The following SPTLC1 variants were observed in gnomAD, a reference collection of about 807,000 sequenced individuals.
The protein encoded by SPTLC1 is serine palmitoyltransferase 1.
Under a neutral mutation model 68.9 loss-of-function variants are expected in SPTLC1, and 55 were observed. The observed-to-expected ratio is 0.80, with a 90% CI of 0.64 to 1.00. The LOEUF is 1.00. SPTLC1 is among the 50% of genes least tolerant of loss of function. The pLI, the probability that SPTLC1 is intolerant of heterozygous loss-of-function variation, is 0.00. For missense variants in SPTLC1, 449 were observed against 573.1 expected, an observed-to-expected ratio of 0.78 and a Z score of 2.21; for synonymous variants, 197 against 201.6, an observed-to-expected ratio of 0.98 and a Z score of 0.19.
intron 6 of SPTLC1, among the ~76,000 whole-genome samples, chr9:92,059,517 G>A (rs1443352292): frequency 6.6e-6 from 1 of 152,122 alleles, no homozygotes; most frequent in Non-Finnish European, 1.5e-5. Flanking sequence ...TCTATTCCAA[G>A]AAGCACACTC....
At chr9:92,040,151 C>T (rs112042242) in intron 12 of SPTLC1, among the ~76,000 whole-genome samples, 15 of 152,008 alleles carry the variant, frequency 9.9e-5, no homozygotes, top group African/African-American at 3.4e-4. Context: ...AGGTAGATCA[C>T]CTGAGGTCAG....
chr9:92,041,899 C>T (rs1833361932), intron 12 of SPTLC1, among the ~76,000 whole-genome samples: 1 of 152,102 alleles, frequency 6.6e-6, no homozygotes, highest in Admixed American at 6.5e-5. Flanking sequence ...AGTTCAACGT[C>T]TATTTATGAT....
At position 92,115,309 on chromosome 9, in the gene SPTLC1, C is replaced by T; in HGVS notation, c.57+5G>A. On this transcript the variant is annotated splice_donor_5th_base_variant and intron_variant, in intron 1 of 14. Coordinates refer to ENST00000262554, the MANE Select transcript of SPTLC1 (RefSeq NM_006415.4). ...GTCGCGGACCGCTAATGGCGCGGAG[C>T]CCACCTCGTAAAGCGCCTGTACCAT... The T allele has an allele frequency of 6.2e-7, 1 of 1,611,726 alleles. No individual in the cohort carries two copies. The highest frequency in any genetic ancestry group is 1.1e-5 in the South Asian group (1 of 91,012).
At chr9:92,050,108 C>G in intron 8 of SPTLC1, 41 bp from the exon 9 acceptor site, 1 of 1,210,620 alleles carries the variant, frequency 8.3e-7, no homozygotes, top group African/African-American at 1.5e-5. Context: ...TGATTAGCAC[C>G]ATATAGAACA....
intron 2 of SPTLC1, chr9:92,109,559 C>T (rs895667957): frequency 2.6e-5 from 4 of 152,170 alleles, no homozygotes; most frequent in African/African-American, 9.7e-5. Flanking sequence ...TATTTCGAGG[C>T]CCCCTTTATT....
chr9:92,101,676 A>G (rs1409611097), intron 3 of SPTLC1, among the ~76,000 whole-genome samples: 1 of 146,658 alleles, frequency 6.8e-6, no homozygotes, highest in Non-Finnish European at 1.5e-5. Flanking sequence ...CTTCAATGGC[A>G]CACTAGATCA....
chr9:92,106,089 G>A (rs112832363), intron 3 of SPTLC1, among the ~76,000 whole-genome samples: 16 of 149,210 alleles, frequency 1.1e-4, no homozygotes, highest in South Asian at 8.6e-4. Flanking sequence ...CCCCTGCACC[G>A]TCTGGGAAGT....
At chr9:92,059,950 C>T (rs1834028673) in intron 6 of SPTLC1, among the ~76,000 whole-genome samples, 1 of 152,132 alleles carries the variant, frequency 6.6e-6, no homozygotes, top group South Asian at 2.1e-4. Flanking sequence ...CCCCTCCACC[C>T]CCACTGTGGT....
At chr9:92,103,409 C>G (rs373658660) in intron 3 of SPTLC1, among the ~76,000 whole-genome samples, 1 of 152,178 alleles carries the variant, frequency 6.6e-6, no homozygotes, top group Non-Finnish European at 1.5e-5. Context: ...TGCTAAGTAC[C>G]CCAGAACTAC....
chr9:92,103,652 C>T (rs1390625451), intron 3 of SPTLC1, among the ~76,000 whole-genome samples: 4 of 152,242 alleles, frequency 2.6e-5, no homozygotes, highest in Non-Finnish European at 4.4e-5. Flanking sequence ...TCTTTGGAAA[C>T]CTGCGAAGCA....
intron 3 of SPTLC1, among the ~76,000 whole-genome samples, chr9:92,085,328 G>A (rs1835077176): frequency 1.4e-5 from 2 of 146,624 alleles, no homozygotes; most frequent in African/African-American, 5.1e-5. Flanking sequence ...TTTTAATTGT[G>A]ATGTTAGGGT....
intron 2 of SPTLC1, chr9:92,110,314 C>A (rs1180706106): frequency 6.6e-6 from 1 of 152,196 alleles, no homozygotes; most frequent in East Asian, 1.9e-4. Context: ...CTACCCACCT[C>A]CTCTTCTCCA....
In SPTLC1 at chr9:92,058,518, A is replaced by C. The variant is rs373018170; in HGVS notation, c.690+661T>G. Among the ~76,000 whole-genome samples, 154 of 152,316 alleles carry C rather than the reference A, an allele frequency of 1.0e-3. 5 individuals carry two copies. The South Asian group carries it at 0.029, about 29-fold the overall frequency. ...GGGAAAATAAATTGTAATTTTAACA[A>C]TGATGCTCTGAACACACTTCCTCTG... On this transcript the variant is annotated intron_variant, in intron 7 of 14. Transcript: ENST00000262554.
At chr9:92,092,555 CCT>C (rs1835400394) in intron 3 of SPTLC1, among the ~76,000 whole-genome samples, 1 of 151,962 alleles carries the variant, frequency 6.6e-6, no homozygotes. Context: ...ATGGTGAAAC[CCT>C]GTCTCTATTA....
intron 3 of SPTLC1, among the ~76,000 whole-genome samples, chr9:92,089,507 A>G (rs1299307480): frequency 6.6e-6 from 1 of 152,230 alleles, no homozygotes; most frequent in Non-Finnish European, 1.5e-5. Flanking sequence ...TTAGAAATCT[A>G]AAAGATAGAT....
At chr9:92,078,935 T>TA in intron 5 of SPTLC1, 1 of 549,258 alleles carries the variant, frequency 1.8e-6, no homozygotes, top group Non-Finnish European at 2.3e-6. Flanking sequence ...ACTTAACTGT[T>TA]AAAGTAAAAA....
intron 3 of SPTLC1, among the ~76,000 whole-genome samples, chr9:92,083,231 G>A (rs1834963937): frequency 6.6e-6 from 1 of 152,096 alleles, no homozygotes; most frequent in Non-Finnish European, 1.5e-5. Flanking sequence ...CTGTGCAGAA[G>A]CTCTTTAGTT....
At chr9:92,040,214 AT>A (rs551160533) in intron 12 of SPTLC1, among the ~76,000 whole-genome samples, 1 of 152,046 alleles carries the variant, frequency 6.6e-6, no homozygotes, top group East Asian at 1.9e-4. Flanking sequence ...TACTAAAAAT[AT>A]AAAAATTAGC....
In SPTLC1 at chr9:92,067,988, T is replaced by C; in HGVS notation, c.538A>G (p.Lys180Glu). The change falls in exon 6 of 15, where the codon AAA becomes GAA. Residue 180 changes from lysine (K) to glutamate (E), a missense_variant. Transcript: ENST00000262554. Reference protein sequence around the residue: ...TIASAIPAYSKRGDIVFVDRA... With the variant: ...TIASAIPAYSERGDIVFVDRA... ...TACACAAAAACAATGTCCCCTCTTT[T>C]AGAGTAAGCAGGAATAGCACTGGCT... 1 of 1,614,126 alleles carries C rather than the reference T, an allele frequency of 6.2e-7. No individual in the cohort carries two copies. The highest frequency in any genetic ancestry group is 2.2e-5 in the East Asian group (1 of 44,858).
Sources: gnomAD v4.1 joint callset for allele counts (sites outside exome capture counted in the v4.1 genomes callset) on GRCh38, gnomAD v4.1.1 for gene constraint, MANE v1.5 for transcripts, NCBI Gene and HGNC (gene_info 2026-07-23, HGNC 2026-07-21) for gene names.